PIK3C2G: variants seen among roughly 807,000 people sequenced by gnomAD.
PIK3C2G encodes the protein phosphatidylinositol 3-kinase C2 domain-containing subunit gamma.
A neutral mutation model predicts 181.1 loss-of-function variants in PIK3C2G; 168 were observed. That is an observed-to-expected ratio of 0.93 (90% CI 0.82 to 1.05). The LOEUF (loss-of-function observed/expected upper bound fraction) is 1.05. PIK3C2G is among the 50% of genes least tolerant of loss of function. PIK3C2G has a pLI of 0.00. For missense variants in PIK3C2G, 1,869 were observed against 1,732.8 expected (o/e 1.08, Z -1.40); for synonymous variants, 573 against 592.2 (o/e 0.97, Z 0.47).
chr12:18,557,293 A>T (rs1945062984), intron 26 of PIK3C2G, among the ~76,000 whole-genome samples: 1 of 152,094 alleles, frequency 6.6e-6, no homozygotes, highest in South Asian at 2.1e-4. Flanking sequence ...AATTAATACG[A>T]TCCCAGAGAA....
rs1939321079 is a variant in PIK3C2G, at chr12:18,343,337, A to G, written c.1406A>G (p.Gln469Arg). The change falls in exon 10 of 33, where the codon CAA becomes CGA. Residue 469 changes from glutamine to arginine, a missense_variant. By Grantham distance (43) the Gln-to-Arg change is conservative. Transcript: ENST00000538779. ...ILQRKGENFY[Q>R]SSETSAKGLI... The stretch of plus-strand genomic sequence containing the variant: ...TACATTTTTTTTCAGAATTTTTATC[A>G]AAGTTCAGAGACTTCAGCAAAAGGT... 1 of 1,370,278 alleles carries G rather than the reference A, an allele frequency of 7.3e-7. No homozygotes were observed. Among genetic ancestry groups the G allele is most frequent in the Non-Finnish European group, 1.0e-6 (1 of 991,322 alleles). The allele number at this position is 1,370,278 out of a possible 1,614,324, so 84.9% of individuals were successfully genotyped here.
downstream of PIK3C2G, among the ~76,000 whole-genome samples, chr12:18,650,670 G>A (rs1162274872): frequency 4.5e-4 from 7 of 15,716 alleles, no homozygotes; most frequent in South Asian, 3.3e-3. Context: ...ATAAATGTGT[G>A]TGTGTGTGTG....
intron 18 of PIK3C2G, among the ~76,000 whole-genome samples, chr12:18,435,129 C>T (rs1946379806): frequency 6.6e-6 from 1 of 151,944 alleles, no homozygotes; most frequent in African/African-American, 2.4e-5. Flanking sequence ...CCCACCATTC[C>T]CAAACTTTTA....
intron 8 of PIK3C2G, among the ~76,000 whole-genome samples, chr12:18,333,901 A>G (rs1938237792): frequency 1.3e-5 from 2 of 152,146 alleles, no homozygotes; most frequent in Non-Finnish European, 2.9e-5. Context: ...ATAAGAGAGG[A>G]GAATAATCAA....
At chr12:18,604,643 G>A (rs1288846590) in intron 30 of PIK3C2G, among the ~76,000 whole-genome samples, 1 of 152,064 alleles carries the variant, frequency 6.6e-6, no homozygotes, top group Non-Finnish European at 1.5e-5. Flanking sequence ...CATATGACAG[G>A]CCATAAAATG....
rs562120874 is a variant in PIK3C2G, at chr12:18,602,159, C to T, written c.4088-7376C>T. Reference sequence around the variant, plus strand: ...TTTGGGCAACTTTTCGAGCCTGACTCGCCCTCCACCTGGAAACAGACTGTT... The same window carrying T: ...TTTGGGCAACTTTTCGAGCCTGACTTGCCCTCCACCTGGAAACAGACTGTT... On this transcript the variant is annotated intron_variant, in intron 30 of 32. Transcript: ENST00000538779. Among the ~76,000 whole-genome samples, 8 of 152,144 alleles carry T rather than the reference C, an allele frequency of 5.3e-5. No homozygotes were observed. In the East Asian group the frequency reaches 5.8e-4, roughly 11 times the overall value.
At chr12:18,467,010 T>C (rs1937954852) in intron 18 of PIK3C2G, among the ~76,000 whole-genome samples, 1 of 152,066 alleles carries the variant, frequency 6.6e-6, no homozygotes, top group African/African-American at 2.4e-5. Flanking sequence ...TTTTCAGCTT[T>C]AATTGCTATT....
At chr12:18,619,233 A>T (rs1392700843) in intron 31 of PIK3C2G, among the ~76,000 whole-genome samples, 1 of 152,100 alleles carries the variant, frequency 6.6e-6, no homozygotes, top group Non-Finnish European at 1.5e-5. Flanking sequence ...GAGAAACAGC[A>T]GAAGGTAGAA....
Position 18,282,741 on chromosome 12 carries a change from A to G in PIK3C2G, c.660A>G (p.Thr220=), listed in dbSNP as rs1412903068. The G allele has an allele frequency of 4.4e-6, 7 of 1,601,952 alleles. No homozygotes were observed. The highest frequency in any genetic ancestry group is 1.7e-5 in the Admixed American group (1 of 57,706). Reference sequence around the variant, plus strand: ...TTCAACCCGGAATGTGGGAAAGTACATGGCAGAAGAATATAGAGGTAAGTA... The same window carrying G: ...TTCAACCCGGAATGTGGGAAAGTACGTGGCAGAAGAATATAGAGGTAAGTA... ...GSLQPGMWES[T]WQKNIESIGC... Residue 220 remains threonine (T), a synonymous_variant, in exon 2 of 33, where the codon ACA becomes ACG. Coordinates refer to ENST00000538779, the MANE Select transcript of PIK3C2G (RefSeq NM_001288772.2).
At chr12:18,450,658 GCCTATGTT>G (rs1255429399) in intron 18 of PIK3C2G, among the ~76,000 whole-genome samples, 2 of 152,096 alleles carry the variant, frequency 1.3e-5, no homozygotes, top group African/African-American at 4.8e-5. Flanking sequence ...CTTTGCTCGT[GCCTATGTT>G]CCTGAGTGGT....
At chr12:18,479,303 A>G (rs991803149) in intron 18 of PIK3C2G, among the ~76,000 whole-genome samples, 1 of 152,088 alleles carries the variant, frequency 6.6e-6, no homozygotes, top group African/African-American at 2.4e-5. Flanking sequence ...CCTAGATTGC[A>G]TAAGAGTCTC....
chr12:18,429,424 C>T (rs947414379), intron 18 of PIK3C2G, among the ~76,000 whole-genome samples: 6 of 152,102 alleles, frequency 3.9e-5, no homozygotes, highest in Non-Finnish European at 7.4e-5. Flanking sequence ...TTTATGAAGG[C>T]TCTGAGTCAA....
intron 18 of PIK3C2G, 88 bp downstream of exon 18, chr12:18,424,127 C>T: frequency 1.3e-6 from 1 of 768,302 alleles, no homozygotes; most frequent in South Asian, 1.5e-5. Context: ...TATTTCTTTA[C>T]CTTATAATTG....
chr12:18,376,235 T>A (rs1386784091), intron 13 of PIK3C2G, among the ~76,000 whole-genome samples: 1 of 152,086 alleles, frequency 6.6e-6, no homozygotes, highest in African/African-American at 2.4e-5. Flanking sequence ...CTGAGCAAGG[T>A]CTTGGGAGCC....
At chr12:18,404,534 GA>G (rs1944415501) in intron 16 of PIK3C2G, among the ~76,000 whole-genome samples, 1 of 152,158 alleles carries the variant, frequency 6.6e-6, no homozygotes. Flanking sequence ...GGAAAGTAAG[GA>G]AAAGTTCACA....
At chr12:18,641,925 T>C (rs779502511) in intron 32 of PIK3C2G, among the ~76,000 whole-genome samples, 24 of 152,210 alleles carry the variant, frequency 1.6e-4, no homozygotes, top group Non-Finnish European at 3.2e-4. Flanking sequence ...AATTTTTGTA[T>C]TTTTAGCAGA....
At position 18,280,001 on chromosome 12, in the gene PIK3C2G, C is replaced by A. The variant is rs778787625; in HGVS notation, c.-78-2003C>A. Among the ~76,000 whole-genome samples the A allele has an allele frequency of 2.0e-5, 3 of 151,822 alleles. No individual in the cohort carries two copies. In the East Asian group the frequency reaches 5.8e-4, roughly 29 times the overall value. On this transcript the variant is annotated intron_variant, in intron 1 of 32. Transcript: ENST00000538779. ...ACATAATAAAAATCAAATTGCATTG[C>A]AACAAAAGATTGATAGAGAAATGTT... is the stretch of plus-strand genomic sequence containing the variant.
intron 5 of PIK3C2G, among the ~76,000 whole-genome samples, chr12:18,299,960 T>A (rs941978349): frequency 6.6e-6 from 1 of 152,004 alleles, no homozygotes; most frequent in Non-Finnish European, 1.5e-5. Context: ...TTTGTGTTGA[T>A]GTTCATTATC....
intron 7 of PIK3C2G, among the ~76,000 whole-genome samples, chr12:18,321,666 C>T (rs1450913560): frequency 2.0e-5 from 3 of 152,060 alleles, no homozygotes; most frequent in African/African-American, 7.2e-5. Context: ...TATAACATAT[C>T]AGCTAAATTT....
Sources: allele counts gnomAD v4.1 joint callset (sites outside exome capture counted in the v4.1 genomes callset), GRCh38; gene constraint gnomAD v4.1.1; transcripts MANE v1.5; gene names NCBI Gene and HGNC (gene_info 2026-07-23, HGNC 2026-07-21).